Variants in TNRC6A observed in about 807,000 individuals in gnomAD.
TNRC6A encodes the protein trinucleotide repeat-containing gene 6A protein.
In TNRC6A, 44 loss-of-function variants were observed where a neutral mutation model predicts 221.2. The observed-to-expected ratio is 0.20, with a 90% CI of 0.16 to 0.26. The LOEUF (loss-of-function observed/expected upper bound fraction) is 0.26, where lower values mean the gene tolerates loss of function less well. TNRC6A is among the 10% of genes least tolerant of loss of function. The pLI, the probability that TNRC6A is intolerant of heterozygous loss-of-function variation, is 1.00. For missense variants in TNRC6A, 2,199 were observed against 2,404.4 expected (o/e 0.91, Z 1.79); for synonymous variants, 847 against 838.5 (o/e 1.01, Z -0.18).
At chr16:24,690,111 A>G (rs1175332581) in intron 2 of TNRC6A, among the ~76,000 whole-genome samples, 1 of 151,148 alleles carries the variant, frequency 6.6e-6, no homozygotes, top group Non-Finnish European at 1.5e-5. Context: ...CTGGGCTCAA[A>G]CAATCTTCTT....
rs781293913 is a variant in TNRC6A at position 24,791,244 on chromosome 16, G to A, written c.2602G>A (p.Glu868Lys). The change falls in exon 6 of 25, where the codon GAG (glutamate) becomes AAG (lysine). Residue 868 changes from glutamate (E) to lysine (K), a missense_variant. Around this residue, in one of 8 missense-constraint regions of TNRC6A, gnomAD observed 1,405 missense variants for 1,400.2 expected, o/e 1.00. Transcript: ENST00000395799. ...GETSRNNHWG[E>K]ANKKSSSGGS... ...AACTTCAAGGAATAACCATTGGGGTGAGGCCAATAAGAAATCCAGCTCAGG... is the reference window on the plus strand; with the variant it reads ...AACTTCAAGGAATAACCATTGGGGTAAGGCCAATAAGAAATCCAGCTCAGG... 1.9e-6 allele frequency: 3 copies of A among 1,614,090 alleles called. No homozygotes were observed. Among genetic ancestry groups the A allele is most frequent in the South Asian group, 1.1e-5 (1 of 91,088 alleles).
In TNRC6A at chr16:24,618,355, T is replaced by C. The variant is rs181124350; in HGVS notation, n.276+7871T>C. On this transcript the variant is annotated intron_variant and non_coding_transcript_variant, in intron 1 of 2. Transcript: ENST00000566108. Reference sequence around the variant, plus strand: ...GTGGTATATCCTATTTTCTAAACAGTACCCTACTCCTGGTAGGCTCTCAGC... The same window carrying C: ...GTGGTATATCCTATTTTCTAAACAGCACCCTACTCCTGGTAGGCTCTCAGC... Among the ~76,000 whole-genome samples, 52 of 152,334 alleles carry C rather than the reference T, an allele frequency of 3.4e-4. No homozygotes were observed. In the East Asian group the frequency reaches 6.7e-3, roughly 20 times the overall value.
intron 2 of TNRC6A, among the ~76,000 whole-genome samples, chr16:24,699,644 A>C (rs1234008638): frequency 1.3e-5 from 2 of 150,596 alleles, no homozygotes; most frequent in Non-Finnish European, 3.0e-5. Context: ...GCCTAAGGTT[A>C]GGATTCCAAG....
intron 2 of TNRC6A, among the ~76,000 whole-genome samples, chr16:24,661,010 G>T (rs1026333247): frequency 4.0e-5 from 6 of 151,800 alleles, no homozygotes; most frequent in Admixed American, 2.6e-4. Flanking sequence ...CAAAGTGCTG[G>T]GATTACAGGC....
chr16:24,668,035 A>G (rs1022892549), intron 2 of TNRC6A, among the ~76,000 whole-genome samples: 2 of 151,816 alleles, frequency 1.3e-5, no homozygotes, highest in African/African-American at 4.8e-5. Flanking sequence ...TTAAAACATT[A>G]CATATATATA....
chr16:24,665,917 G>T (rs916989763), intron 2 of TNRC6A, among the ~76,000 whole-genome samples: 8 of 152,150 alleles, frequency 5.3e-5, no homozygotes, highest in African/African-American at 1.9e-4. Context: ...GTGGTGGTGC[G>T]GGGCAGCTGA....
At chr16:24,767,188 A>G (rs576725876) in intron 4 of TNRC6A, among the ~76,000 whole-genome samples, 2 of 152,346 alleles carry the variant, frequency 1.3e-5, no homozygotes, top group Admixed American at 1.3e-4. Flanking sequence ...AAGAATATCT[A>G]AATTTTGCCT....
chr16:24,735,459 A>T (rs150066982), intron 2 of TNRC6A, among the ~76,000 whole-genome samples: 37 of 152,332 alleles, frequency 2.4e-4, no homozygotes, highest in African/African-American at 8.7e-4. Flanking sequence ...AGGCCAACAC[A>T]TGCATATTGC....
chr16:24,665,544 GTTCCATA>G (rs2055140923), intron 2 of TNRC6A, among the ~76,000 whole-genome samples: 1 of 152,168 alleles, frequency 6.6e-6, no homozygotes, highest in Non-Finnish European at 1.5e-5. Flanking sequence ...CAATAGTCTT[GTTCCATA>G]TTACCTTAAA....
chr16:24,753,774 AT>A (rs1395107696), intron 3 of TNRC6A, among the ~76,000 whole-genome samples: 1 of 152,202 alleles, frequency 6.6e-6, no homozygotes, highest in Non-Finnish European at 1.5e-5. Context: ...AGTAAAAAGT[AT>A]TTTATGTAAT....
chr16:24,649,199 T>C (rs1399090046), intron 2 of TNRC6A, among the ~76,000 whole-genome samples: 2 of 152,184 alleles, frequency 1.3e-5, no homozygotes, highest in Admixed American at 6.5e-5. Context: ...TGATGCACAA[T>C]TGGTGTTTTT....
chr16:24,623,190 T>TTAC (rs1567305064), intron 1 of TNRC6A, among the ~76,000 whole-genome samples: 5,030 of 147,972 alleles, frequency 0.034, 263 homozygotes, highest in African/African-American at 0.12. Context: ...TATTTATTTA[T>TTAC]TTACTTATTT....
At chr16:24,655,763 C>CT (rs776288687) in intron 2 of TNRC6A, among the ~76,000 whole-genome samples, 20 of 151,884 alleles carry the variant, frequency 1.3e-4, no homozygotes, top group Non-Finnish European at 2.6e-4. Flanking sequence ...GATTAACAAA[C>CT]TATTCTCAGT....
intron 18 of TNRC6A, among the ~76,000 whole-genome samples, chr16:24,812,786 C>A (rs1459649516): frequency 6.6e-6 from 1 of 150,994 alleles, no homozygotes; most frequent in East Asian, 1.9e-4. Flanking sequence ...TTAAGTGACA[C>A]GTGAGTGCAA....
chr16:24,700,997 T>C (rs1414451257), intron 2 of TNRC6A, among the ~76,000 whole-genome samples: 2 of 152,174 alleles, frequency 1.3e-5, no homozygotes, highest in Non-Finnish European at 2.9e-5. Context: ...CAGGCTGAAT[T>C]AATCAAAGTA....
upstream of TNRC6A, among the ~76,000 whole-genome samples, chr16:24,728,733 T>C (rs2056537000): frequency 6.6e-6 from 1 of 152,252 alleles, no homozygotes; most frequent in Non-Finnish European, 1.5e-5. Context: ...TGTAGGTATG[T>C]ATGTATACTT....
chr16:24,694,742 T>C (rs2055824722), intron 2 of TNRC6A, among the ~76,000 whole-genome samples: 1 of 148,586 alleles, frequency 6.7e-6, no homozygotes, highest in African/African-American at 2.5e-5. Context: ...AAGACCAGCC[T>C]GGGCAACGTA....
In TNRC6A at chr16:24,823,114, CCTGCTGG is replaced by C; in HGVS notation, c.5513+106_5513+112del. 1 of 1,502,684 alleles carries C rather than the reference CCTGCTGG, an allele frequency of 6.7e-7. No homozygotes were observed. The highest frequency in any genetic ancestry group is 9.1e-7 in the Non-Finnish European group (1 of 1,095,374). The allele number at this position is 1,502,684 out of a possible 1,614,324, so 93.1% of individuals were successfully genotyped here. A position where few individuals can be genotyped will look rare whatever the true frequency, so the allele number is the denominator to read the frequency against. ...TGCACAGGGTCCTGCGTGGGTGGCT[CCTGCTGG>C]CTGCAGTAGTGCCCTGATTCCAAGG... is the stretch of plus-strand genomic sequence containing the variant. On this transcript the variant is annotated intron_variant, in intron 24 of 24. Transcript: ENST00000395799. This position sits in a 1 kb window ranked among gnomAD's most constrained non-coding sequence, Gnocchi z 4.3.
At chr16:24,645,426 G>T (rs907518588) in intron 2 of TNRC6A, among the ~76,000 whole-genome samples, 19 of 151,712 alleles carry the variant, frequency 1.3e-4, no homozygotes, top group African/African-American at 3.6e-4. Context: ...GGAGGCAGAG[G>T]TTGCAGTGAG....
Sources: gnomAD v4.1 joint callset for allele counts (sites outside exome capture counted in the v4.1 genomes callset) on GRCh38, gnomAD v4.1.1 for gene constraint, gnomAD v4.1.1 regional missense constraint, Gnocchi (gnomAD v3.1) non-coding constraint, MANE v1.5 for transcripts, NCBI Gene and HGNC (gene_info 2026-07-23, HGNC 2026-07-21) for gene names.